The following TTK variants were observed in gnomAD, a reference collection of about 807,000 sequenced individuals.
TTK encodes the protein dual specificity protein kinase TTK.
A neutral mutation model predicts 117.3 loss-of-function variants in TTK; 59 were observed. The observed-to-expected ratio is 0.50, with a 90% CI of 0.41 to 0.62. The LOEUF is 0.62. Among genes scored for constraint, TTK ranks in the 20% least tolerant of loss-of-function variants. The pLI is 0.00. For synonymous variants in TTK, 302 were observed against 325.0 expected (o/e 0.93, Z 0.76); for missense variants, 921 against 989.4 (o/e 0.93, Z 0.93).
chr6:80,040,261 T>C lies in TTK; in HGVS notation c.2373T>C (p.Val791=), dbSNP rs771649124. ...CTGAGCTCCTGGCTCATCCATATGT[T>C]CAAATTCAAACTCATCCAGGTACTA... The part of the protein sequence containing the change: ...SIPELLAHPY[V]QIQTHPVNQM... Residue 791 remains valine, a synonymous_variant, in exon 20 of 22, where the codon GTT becomes GTC. Transcript: ENST00000369798. 2 of 1,588,052 alleles carry C rather than the reference T, an allele frequency of 1.3e-6. No individual in the cohort carries two copies. Among genetic ancestry groups the C allele is most frequent in the Non-Finnish European group, 1.7e-6 (2 of 1,168,492 alleles).
chr6:80,042,022 A>C, intron 21 of TTK, 97 bp from the exon 22 acceptor site: 1 of 572,716 alleles, frequency 1.7e-6, no homozygotes, highest in Non-Finnish European at 2.9e-6. Context: ...GAGAGAAATA[A>C]ATGTATTATA....
chr6:80,034,992 A>G lies in TTK; in HGVS notation c.1622A>G (p.Gln541Arg). 1 of 1,560,224 alleles carries G rather than the reference A, an allele frequency of 6.4e-7. No individual in the cohort carries two copies. The highest frequency in any genetic ancestry group is 1.2e-5 in the South Asian group (1 of 80,578). ...IGSGGSSKVF[Q>R]VLNEKKQIYA... ...CTTTGTTCTACTCTGTAGGTATTTCAGGTGTTAAATGAAAAGAAACAGATA... is the reference window on the plus strand; with the variant it reads ...CTTTGTTCTACTCTGTAGGTATTTCGGGTGTTAAATGAAAAGAAACAGATA... Residue 541 changes from glutamine to arginine, a missense_variant, in exon 15 of 22, where the codon CAG becomes CGG. Coordinates refer to ENST00000369798, the MANE Select transcript of TTK (RefSeq NM_003318.5).
chr6:80,018,650 A>G (rs892402583), intron 10 of TTK, among the ~76,000 whole-genome samples: 1 of 140,938 alleles, frequency 7.1e-6, no homozygotes, highest in South Asian at 2.2e-4. Context: ...AAAAAAAAAT[A>G]TAGCTTTTTT....
In TTK at chr6:80,036,375, A is replaced by C. The variant is rs987766949; in HGVS notation, c.1925-100A>C. The C allele has an allele frequency of 5.1e-6, 7 of 1,364,030 alleles. No individual in the cohort carries two copies. In the African/African-American group the frequency reaches 1.0e-4, roughly 20 times the overall value. The allele number at this position is 1,364,030 out of a possible 1,614,324, so 84.5% of individuals were successfully genotyped here. A position where few individuals can be genotyped will look rare whatever the true frequency, so the allele number is the denominator to read the frequency against. ...AAAAAATTATTGAATTGGGTTCACT[A>C]ATTGAAGGAATAAATACAGCTTGAC... On this transcript the variant is annotated intron_variant, in intron 16 of 21. Transcript: ENST00000369798.
chr6:80,023,689 G>T (rs1323307355), intron 11 of TTK, among the ~76,000 whole-genome samples: 1 of 152,228 alleles, frequency 6.6e-6, no homozygotes, highest in East Asian at 1.9e-4. Context: ...AATAACTACA[G>T]TGGGAAGAGT....
At position 80,011,957 on chromosome 6, in the gene TTK, A is replaced by T. The variant is rs1767171504; in HGVS notation, c.873A>T (p.Ser291=). The change falls in exon 8 of 22, where the codon TCA becomes TCT. Residue 291 remains serine (S), a synonymous_variant. Transcript: ENST00000369798. ...SPDCDVKTDD[S]VVPCFMKRQT... ...ATTGTGATGTGAAGACAGATGATTCAGTTGTACCTTGTTTTATGAAAAGGT... is the reference window on the plus strand; with the variant it reads ...ATTGTGATGTGAAGACAGATGATTCTGTTGTACCTTGTTTTATGAAAAGGT... 2.4e-5 allele frequency: 38 copies of T among 1,610,332 alleles called. No individual in the cohort carries two copies. Among genetic ancestry groups the T allele is most frequent in the Non-Finnish European group, 3.1e-5 (37 of 1,178,614 alleles).
intron 17 of TTK, 69 bp from the exon 18 acceptor site, chr6:80,037,896 ATC>A: frequency 1.4e-6 from 1 of 714,878 alleles, no homozygotes; most frequent in Non-Finnish European, 2.0e-6. Flanking sequence ...AATAATAATA[ATC>A]TCAAAAAAAA....
rs1320589148 is a variant in TTK, at chr6:80,011,546, T to C, written c.726T>C (p.Tyr242=). Residue 242 remains tyrosine, a splice_region_variant and synonymous_variant, in exon 6 of 22, where the codon TAT becomes TAC. Transcript: ENST00000369798. ...RGQTTKARFL[Y]GENMPPQDAE... ...AGACTACTAAAGCCAGGTTTTTATA[T>C]GGGTAAGGAAACGGAAACAGTTTTT... 6.3e-7 allele frequency: 1 copy of C among 1,595,674 alleles called. No homozygotes were observed. Among genetic ancestry groups the C allele is most frequent in the Non-Finnish European group, 8.5e-7 (1 of 1,174,282 alleles).
chr6:80,010,505 A>G (rs1042568190), intron 4 of TTK, among the ~76,000 whole-genome samples: 1 of 150,478 alleles, frequency 6.6e-6, no homozygotes, highest in Non-Finnish European at 1.5e-5. Context: ...CCTGTTGGTA[A>G]CTGCTTTGTT....
rs1237317339 is a variant in TTK, at chr6:80,042,347, G to C, written c.*145G>C. Reference sequence around the variant, plus strand: ...AAAATTCAGTAGATTATCTTTAAAAGAAAACTGTAAAAATAGCAACCACTT... The same window carrying C: ...AAAATTCAGTAGATTATCTTTAAAACAAAACTGTAAAAATAGCAACCACTT... On this transcript the variant is annotated 3_prime_UTR_variant, in exon 22 of 22. Transcript: ENST00000369798. 1.8e-6 allele frequency: 1 copy of C among 553,496 alleles called. No individual in the cohort carries two copies. Among genetic ancestry groups the C allele is most frequent in the African/African-American group, 1.9e-5 (1 of 53,006 alleles). 34.3% of individuals were successfully genotyped at this position (553,496 alleles called of 1,614,324 possible). A position where few individuals can be genotyped will look rare whatever the true frequency, so the allele number is the denominator to read the frequency against.
In TTK at chr6:80,005,656, A is replaced by G. The variant is rs1410355457; in HGVS notation, c.-2-186A>G. 3 of 550,108 alleles carry G rather than the reference A, an allele frequency of 5.5e-6. No individual in the cohort carries two copies. In the East Asian group the frequency reaches 1.0e-4, roughly 19 times the overall value. 34.1% of individuals were successfully genotyped at this position (550,108 alleles called of 1,614,324 possible). A position where few individuals can be genotyped will look rare whatever the true frequency, so the allele number is the denominator to read the frequency against. On this transcript the variant is annotated intron_variant, in intron 1 of 21. Coordinates refer to ENST00000369798, the MANE Select transcript of TTK (RefSeq NM_003318.5). ...TACTTGGCCTATGAAACCTTGGTGA[A>G]TAAATTACAAAGATGTGTACCTTGT... is the stretch of plus-strand genomic sequence containing the variant.
intron 13 of TTK, 70 bp downstream of exon 13, chr6:80,028,081 C>T: frequency 1.4e-6 from 2 of 1,429,678 alleles, no homozygotes; most frequent in Non-Finnish European, 1.8e-6. Context: ...ATTTTTATAG[C>T]ATCTAGTTAT....
intron 11 of TTK, among the ~76,000 whole-genome samples, chr6:80,025,618 C>T (rs1767584946): frequency 6.6e-6 from 1 of 152,152 alleles, no homozygotes; most frequent in African/African-American, 2.4e-5. Context: ...AGCAGGCTTT[C>T]CAGGCTAGAT....
intron 10 of TTK, among the ~76,000 whole-genome samples, chr6:80,016,744 G>A (rs1372374781): frequency 1.3e-5 from 2 of 152,148 alleles, no homozygotes; most frequent in African/African-American, 4.8e-5. Context: ...AAAACAAGCA[G>A]AAGTTTGTTA....
At chr6:80,009,940 T>C (rs1767099352) in intron 4 of TTK, among the ~76,000 whole-genome samples, 1 of 152,084 alleles carries the variant, frequency 6.6e-6, no homozygotes, top group African/African-American at 2.4e-5. Flanking sequence ...TCTTTTCTTG[T>C]GCTAAAATAC....
chr6:80,008,929 C>CTCTGTG (rs1040111456), intron 4 of TTK, among the ~76,000 whole-genome samples: 3 of 142,300 alleles, frequency 2.1e-5, no homozygotes, highest in Non-Finnish European at 4.6e-5. Flanking sequence ...AACTATATAT[C>CTCTGTG]TGTGTGTGTG....
chr6:80,027,881 C>A lies in TTK; in HGVS notation c.1395-4C>A. On this transcript the variant is annotated splice_region_variant and splice_polypyrimidine_tract_variant and intron_variant, in intron 12 of 21. Transcript: ENST00000369798. ...TTAAATAAAAATATATATATATTTC[C>A]TAGTTTTAGAACTCCAGTTGTAAAG... is the stretch of plus-strand genomic sequence containing the variant. 1 of 1,562,572 alleles carries A rather than the reference C, an allele frequency of 6.4e-7. No individual in the cohort carries two copies. The highest frequency in any genetic ancestry group is 1.2e-5 in the South Asian group (1 of 82,504).
chr6:80,030,532 C>T (rs1339897619), intron 13 of TTK, among the ~76,000 whole-genome samples: 1 of 152,166 alleles, frequency 6.6e-6, no homozygotes, highest in Non-Finnish European at 1.5e-5. Context: ...ATCTGGTTGG[C>T]TTCTGGGGAG....
Position 80,042,300 on chromosome 6 carries a change from C to T in TTK, c.*98C>T. ...AAATCTACATTTGAAGACAACATCACTCTGAAGTGTTATCAGCAAAAAAAA... is the reference window on the plus strand; with the variant it reads ...AAATCTACATTTGAAGACAACATCATTCTGAAGTGTTATCAGCAAAAAAAA... On this transcript the variant is annotated 3_prime_UTR_variant, in exon 22 of 22. Transcript: ENST00000369798. The T allele has an allele frequency of 1.0e-6, 1 of 973,912 alleles. No homozygotes were observed. The highest frequency in any genetic ancestry group is 1.5e-6 in the Non-Finnish European group (1 of 679,622). The allele number at this position is 973,912 out of a possible 1,614,324, so 60.3% of individuals were successfully genotyped here.
Sources: allele counts gnomAD v4.1 joint callset (sites outside exome capture counted in the v4.1 genomes callset), GRCh38; gene constraint gnomAD v4.1.1; transcripts MANE v1.5; gene names NCBI Gene and HGNC (gene_info 2026-07-23, HGNC 2026-07-21).